The following ATP8B1 variants were observed in gnomAD, a reference collection of about 807,000 sequenced individuals.
ATP8B1 encodes ATPase phospholipid transporting 8B1.
A neutral mutation model predicts 149.9 loss-of-function variants in ATP8B1; 80 were observed. The observed-to-expected ratio is 0.53, with a 90% confidence interval of 0.45 to 0.64. The LOEUF is 0.64. Ranked by LOEUF, ATP8B1 falls within the 30% of genes least tolerant of loss-of-function variation. The pLI is 0.00. For synonymous variants in ATP8B1, 536 were observed against 562.8 expected (o/e 0.95, Z 0.67); for missense variants, 1,247 against 1,552.6 (o/e 0.80, Z 3.31).
Position 57,707,853 on chromosome 18 carries a change from T to C in ATP8B1, c.182-1266A>G, listed in dbSNP as rs73443030. 8.0e-3 allele frequency among the ~76,000 whole-genome samples: 1,202 copies of C among 151,164 alleles called. 16 individuals carry two copies. The highest frequency in any genetic ancestry group is 0.028 in the African/African-American group (1,135 of 41,266). On this transcript the variant is annotated intron_variant, in intron 2 of 27. Transcript: ENST00000648908. ...CCTACTCCAAAGGAAATATAGACAA[T>C]ATGGCAAGAGTAACAAGTGTAGGCC...
chr18:57,782,644 G>A (rs568208075), intron 1 of ATP8B1, among the ~76,000 whole-genome samples: 1 of 152,086 alleles, frequency 6.6e-6, no homozygotes, highest in African/African-American at 2.4e-5. Context: ...CACACACACA[G>A]ACAAAAAATT....
At position 57,662,515 on chromosome 18, in the gene ATP8B1, T is replaced by C. The variant is rs1244930150; in HGVS notation, c.2386A>G (p.Asn796Asp). ...GAACCAGTGATGATTAAGGCACGGT[T>C]TCCACCGGGTGGAAAAAAAGATTCC... ...VQESFFPPGG[N>D]RALIITGSWL... Residue 796 changes from asparagine (N) to aspartate (D), a missense_variant, in exon 21 of 28, where the codon AAC becomes GAC. Transcript: ENST00000648908. 6.2e-7 allele frequency: 1 copy of C among 1,614,144 alleles called. No homozygotes were observed. The highest frequency in any genetic ancestry group is 1.1e-5 in the South Asian group (1 of 91,072).
chr18:57,720,018 G>C (rs1338668815), intron 2 of ATP8B1, among the ~76,000 whole-genome samples: 1 of 151,802 alleles, frequency 6.6e-6, no homozygotes, highest in African/African-American at 2.4e-5. Flanking sequence ...TATTCCAACA[G>C]ACCTGCAGCT....
intron 1 of ATP8B1, among the ~76,000 whole-genome samples, chr18:57,769,863 T>C (rs1449212870): frequency 6.6e-6 from 1 of 152,180 alleles, no homozygotes; most frequent in African/African-American, 2.4e-5. Context: ...TCAAGTACCA[T>C]ACCAAACATT....
chr18:57,696,610 C>T (rs1329463182), intron 8 of ATP8B1, among the ~76,000 whole-genome samples: 1 of 150,002 alleles, frequency 6.7e-6, no homozygotes, highest in Non-Finnish European at 1.5e-5. Context: ...GAAGCAATGA[C>T]AGCCCTAGTT....
chr18:57,751,080 G>A (rs578208642), intron 1 of ATP8B1, among the ~76,000 whole-genome samples: 7 of 152,218 alleles, frequency 4.6e-5, no homozygotes, highest in African/African-American at 1.7e-4. Flanking sequence ...GAGAGACTGT[G>A]CCACTGGACC....
intron 1 of ATP8B1, among the ~76,000 whole-genome samples, chr18:57,778,788 G>A (rs1161851833): frequency 6.6e-6 from 1 of 152,164 alleles, no homozygotes; most frequent in Non-Finnish European, 1.5e-5. Context: ...GCATGAGAGA[G>A]CATCAGCAAG....
At chr18:57,796,276 C>G (rs2080514764) in intron 1 of ATP8B1, among the ~76,000 whole-genome samples, 1 of 152,214 alleles carries the variant, frequency 6.6e-6, no homozygotes, top group South Asian at 2.1e-4. Flanking sequence ...CAAATCAGAG[C>G]ACAGATTTTC....
chr18:57,698,126 G>A (rs1021632162), intron 6 of ATP8B1, among the ~76,000 whole-genome samples: 1 of 152,098 alleles, frequency 6.6e-6, no homozygotes, highest in Non-Finnish European at 1.5e-5. Flanking sequence ...GGCCACTTAT[G>A]TGCGTGGCAG....
At chr18:57,769,117 G>A (rs9675873) in intron 1 of ATP8B1, among the ~76,000 whole-genome samples, 106,008 of 152,012 alleles carry the variant, frequency 0.7, 37,578 homozygotes, top group African/African-American at 0.81. Flanking sequence ...GCTCAACCGT[G>A]GTCTGACCCA....
chr18:57,789,196 A>T (rs2080437960), intron 1 of ATP8B1, among the ~76,000 whole-genome samples: 1 of 152,202 alleles, frequency 6.6e-6, no homozygotes, highest in Non-Finnish European at 1.5e-5. Context: ...AAAATTACTC[A>T]TCATTTATCT....
intron 1 of ATP8B1, among the ~76,000 whole-genome samples, chr18:57,790,571 T>C (rs1160544684): frequency 3.3e-5 from 5 of 151,982 alleles, no homozygotes; most frequent in Non-Finnish European, 7.4e-5. Flanking sequence ...CGGTTCCCAT[T>C]GACTGGACCA....
chr18:57,744,320 A>AAAG (rs1276632715), intron 1 of ATP8B1, among the ~76,000 whole-genome samples: 1 of 151,280 alleles, frequency 6.6e-6, no homozygotes, highest in Non-Finnish European at 1.5e-5. Context: ...AAAAAAAAAA[A>AAAG]AAAAAGAAAG....
intron 11 of ATP8B1, 39 bp downstream of exon 11, chr18:57,694,543 A>C: frequency 7.7e-7 from 1 of 1,303,302 alleles, no homozygotes; most frequent in Admixed American, 1.7e-5. Context: ...AAAAGACAGC[A>C]ATCTAGATGA....
chr18:57,704,871 C>T (rs1043542525), intron 3 of ATP8B1, among the ~76,000 whole-genome samples: 3 of 152,030 alleles, frequency 2.0e-5, no homozygotes, highest in African/African-American at 7.3e-5. Flanking sequence ...ATCACCTGAG[C>T]CTAGGAGTTT....
At chr18:57,661,496 C>T (rs768083383) in intron 21 of ATP8B1, 34 bp from the exon 22 acceptor site, 2 of 1,606,698 alleles carry the variant, frequency 1.2e-6, no homozygotes, top group African/African-American at 1.3e-5. Flanking sequence ...GTTACATTCA[C>T]TTTAGTTTTA....
At chr18:57,778,228 CT>C (rs5825238) in intron 1 of ATP8B1, among the ~76,000 whole-genome samples, 13,862 of 97,476 alleles carry the variant, frequency 0.14, 566 homozygotes, top group Middle Eastern at 0.29. Context: ...TTTTCTTTTT[CT>C]TTTTTTTTTT....
At chr18:57,719,039 A>C (rs2079611732) in intron 2 of ATP8B1, among the ~76,000 whole-genome samples, 1 of 152,216 alleles carries the variant, frequency 6.6e-6, no homozygotes. Context: ...ACGGCATCCA[A>C]ATTGGAAAGG....
rs747437391 is a variant in ATP8B1 at position 57,650,510 on chromosome 18, T to C, written c.3401-13A>G. ...TTTGAAGCTGTGCCTGTAAAGAACA[T>C]GGCAAATGCATCACTGTGGTTCTTT... is the stretch of plus-strand genomic sequence containing the variant. On this transcript the variant is annotated splice_polypyrimidine_tract_variant and intron_variant, in intron 26 of 27. Transcript: ENST00000648908. 43 of 1,612,038 alleles carry C rather than the reference T, an allele frequency of 2.7e-5. No homozygotes were observed. Among genetic ancestry groups the C allele is most frequent in the Admixed American group, 1.7e-5 (1 of 59,930 alleles).
Sources: allele counts gnomAD v4.1 joint callset (sites outside exome capture counted in the v4.1 genomes callset), GRCh38; gene constraint gnomAD v4.1.1; transcripts MANE v1.5; gene names NCBI Gene and HGNC (gene_info 2026-07-23, HGNC 2026-07-21).